Variants in MTA3 observed in about 807,000 individuals in gnomAD.
MTA3 encodes metastasis-associated protein MTA3.
Under a neutral mutation model 83.5 loss-of-function variants are expected in MTA3, and 34 were observed. The ratio of observed to expected loss-of-function variants is 0.41; its 90% CI spans 0.31 to 0.54. The LOEUF (loss-of-function observed/expected upper bound fraction) is 0.54. Ranked by LOEUF, MTA3 falls within the 20% of genes least tolerant of loss-of-function variation. MTA3 has a pLI of 0.33. For synonymous variants in MTA3, 303 were observed against 252.7 expected (o/e 1.20, Z -1.89); for missense variants, 761 against 726.4 (o/e 1.05, Z -0.55).
chr2:42,621,028 CTG>C (rs933151839), intron 4 of MTA3, among the ~76,000 whole-genome samples: 5 of 150,054 alleles, frequency 3.3e-5, no homozygotes, highest in African/African-American at 9.8e-5. Context: ...ATGTTGTACA[CTG>C]TAAATATACA....
rs527258980 is a variant in MTA3, at chr2:42,622,896, T to G, written c.317+13312T>G. 9.2e-5 allele frequency among the ~76,000 whole-genome samples: 14 copies of G among 152,316 alleles called. No individual in the cohort carries two copies. The South Asian group carries it at 2.9e-3, about 32-fold the overall frequency. ...ACTTACGTTGCTTATATCATTAGAT[T>G]GGAAGACACTTGTAAAGTTAGAATA... On this transcript the variant is annotated intron_variant, in intron 4 of 16. Coordinates refer to ENST00000405094, the MANE Select transcript of MTA3 (RefSeq NM_001330442.2).
chr2:42,506,992 T>C (rs1199512917), intron 2 of MTA3, among the ~76,000 whole-genome samples: 3 of 152,152 alleles, frequency 2.0e-5, no homozygotes, highest in Admixed American at 1.3e-4. Flanking sequence ...TACCTCGAAC[T>C]CCTAGGCTCA....
At chr2:42,508,519 G>C (rs1674743433) in intron 2 of MTA3, among the ~76,000 whole-genome samples, 1 of 150,984 alleles carries the variant, frequency 6.6e-6, no homozygotes, top group Non-Finnish European at 1.5e-5. Context: ...CTTGTGTAGA[G>C]ATGGGGTCTC....
chr2:42,732,623 C>G (rs1668310759), intron 16 of MTA3, among the ~76,000 whole-genome samples: 1 of 152,238 alleles, frequency 6.6e-6, no homozygotes, highest in African/African-American at 2.4e-5. Context: ...CAAATTTCTA[C>G]AGCCAGCATT....
intron 2 of MTA3, among the ~76,000 whole-genome samples, chr2:42,507,986 C>G (rs546672886): frequency 4.0e-5 from 6 of 151,748 alleles, no homozygotes; most frequent in Non-Finnish European, 8.8e-5. Flanking sequence ...TAAAAAAAAT[C>G]TGAGCATGTA....
At chr2:42,517,778 C>G (rs1003267444) in intron 2 of MTA3, among the ~76,000 whole-genome samples, 1 of 146,942 alleles carries the variant, frequency 6.8e-6, no homozygotes, top group South Asian at 2.2e-4. Context: ...CTCCGGGAGA[C>G]TGAGGCAGGA....
intron 8 of MTA3, among the ~76,000 whole-genome samples, chr2:42,677,655 A>G (rs1010113290): frequency 1.3e-5 from 2 of 152,064 alleles, no homozygotes; most frequent in Non-Finnish European, 2.9e-5. Context: ...TGATGGTTTT[A>G]AAAATGGGAG....
upstream of MTA3, among the ~76,000 whole-genome samples, chr2:42,567,860 C>T (rs115193466): frequency 3.3e-3 from 509 of 152,284 alleles, 2 homozygotes; most frequent in African/African-American, 0.011. Flanking sequence ...AAGGAAGCCC[C>T]TCACTCCTAA....
intron 3 of MTA3, among the ~76,000 whole-genome samples, chr2:42,586,009 C>T (rs114237946): frequency 0.017 from 2,556 of 151,944 alleles, 69 homozygotes; most frequent in African/African-American, 0.058. Context: ...TAGGGCCAGG[C>T]GCAGTGGCTC....
intron 9 of MTA3, among the ~76,000 whole-genome samples, chr2:42,686,387 C>T (rs916461768): frequency 2.0e-5 from 3 of 152,102 alleles, no homozygotes; most frequent in African/African-American, 7.2e-5. Flanking sequence ...AATGCATACT[C>T]CCATAATCAT....
At chr2:42,726,603 G>A (rs1461128594) in intron 16 of MTA3, among the ~76,000 whole-genome samples, 1 of 152,060 alleles carries the variant, frequency 6.6e-6, no homozygotes, top group Admixed American at 6.6e-5. Flanking sequence ...AGAACATGCG[G>A]TGTTTGTTTT....
intron 3 of MTA3, among the ~76,000 whole-genome samples, chr2:42,588,670 A>G (rs921223531): frequency 3.3e-5 from 5 of 152,148 alleles, no homozygotes; most frequent in South Asian, 4.1e-4. Context: ...ATTATTAATT[A>G]TACTTCTTAC....
intron 2 of MTA3, among the ~76,000 whole-genome samples, chr2:42,552,164 G>C (rs2103778096): frequency 6.6e-6 from 1 of 152,278 alleles, no homozygotes; most frequent in South Asian, 2.1e-4. Flanking sequence ...GGGAAGTTTG[G>C]GGTGAAGCAG....
At chr2:42,687,283 A>G (rs1692467297) in intron 9 of MTA3, among the ~76,000 whole-genome samples, 3 of 152,202 alleles carry the variant, frequency 2.0e-5, no homozygotes, top group Non-Finnish European at 4.4e-5. Flanking sequence ...TTTTCTGAAC[A>G]CTGTGTAAGT....
At chr2:42,702,404 A>G (rs1001936341) in intron 11 of MTA3, 1 of 152,198 alleles carries the variant, frequency 6.6e-6, no homozygotes, top group Non-Finnish European at 1.5e-5. Context: ...CAATACCAAA[A>G]GGAAATCTTA....
intron 2 of MTA3, among the ~76,000 whole-genome samples, chr2:42,535,156 G>A (rs1462927491): frequency 6.6e-6 from 1 of 151,960 alleles, no homozygotes; most frequent in Non-Finnish European, 1.5e-5. Flanking sequence ...GGAGGCAGAG[G>A]CAGGTGAATC....
At chr2:42,642,625 C>T (rs1052844702) in intron 5 of MTA3, among the ~76,000 whole-genome samples, 21 of 150,880 alleles carry the variant, frequency 1.4e-4, no homozygotes, top group Non-Finnish European at 2.2e-4. Flanking sequence ...TGATCATCCC[C>T]TGTAGCTTTG....
chr2:42,733,434 C>T (rs575156419), intron 16 of MTA3, among the ~76,000 whole-genome samples: 49 of 152,236 alleles, frequency 3.2e-4, no homozygotes, highest in Non-Finnish European at 5.1e-4. Flanking sequence ...GTGGGAATTC[C>T]GGGAGGTACA....
intron 11 of MTA3, 65 bp from the exon 12 acceptor site, chr2:42,704,129 T>C: frequency 6.6e-7 from 1 of 1,505,574 alleles, no homozygotes; most frequent in Non-Finnish European, 9.0e-7. Context: ...AAATCAGTAA[T>C]GATATAGAGC....
Sources: gnomAD v4.1 joint callset for allele counts (sites outside exome capture counted in the v4.1 genomes callset) on GRCh38, gnomAD v4.1.1 for gene constraint, MANE v1.5 for transcripts, NCBI Gene and HGNC (gene_info 2026-07-23, HGNC 2026-07-21) for gene names.